Variants in TANC2 observed in about 807,000 individuals in gnomAD.
The protein encoded by TANC2 is tetratricopeptide repeat, ankyrin repeat and coiled-coil containing 2.
TANC2 carries 26 observed loss-of-function variants against 210.5 expected under a neutral mutation model. That is an observed-to-expected ratio of 0.12 (90% confidence interval 0.09 to 0.17). The LOEUF is 0.17. TANC2 is among the 10% of genes least tolerant of loss of function. The pLI is 1.00. For synonymous variants in TANC2, 931 were observed against 967.1 expected (o/e 0.96, Z 0.69); for missense variants, 2,129 against 2,608.9 (o/e 0.82, Z 4.01).
chr17:63,086,404 T>C (rs1330842094), intron 3 of TANC2, among the ~76,000 whole-genome samples: 1 of 152,196 alleles, frequency 6.6e-6, no homozygotes, highest in Non-Finnish European at 1.5e-5. Context: ...TCTGTTTGCT[T>C]TTCAGTTTTG....
chr17:63,102,629 T>G (rs1274138068), intron 4 of TANC2, among the ~76,000 whole-genome samples: 2 of 129,666 alleles, frequency 1.5e-5, no homozygotes, highest in African/African-American at 2.8e-5. Context: ...CCCTCCTCCC[T>G]CCCCCCACCT....
intron 7 of TANC2, among the ~76,000 whole-genome samples, chr17:63,208,075 C>A (rs1200960523): frequency 6.6e-6 from 1 of 152,050 alleles, no homozygotes; most frequent in African/African-American, 2.4e-5. Context: ...TGTGATTTTT[C>A]TTTTCCTTAC....
intron 5 of TANC2, among the ~76,000 whole-genome samples, chr17:63,173,657 T>A (rs1022644764): frequency 2.6e-5 from 4 of 152,194 alleles, no homozygotes; most frequent in African/African-American, 9.6e-5. Flanking sequence ...CAAATGCAGG[T>A]GATTGTGGCT....
chr17:63,228,928 C>G (rs2042397512), intron 7 of TANC2, among the ~76,000 whole-genome samples: 1 of 152,142 alleles, frequency 6.6e-6, no homozygotes, highest in Non-Finnish European at 1.5e-5. Context: ...ATTTCTTTCT[C>G]TTGCCTGATT....
At chr17:63,162,055 A>G (rs2040046026) in intron 5 of TANC2, among the ~76,000 whole-genome samples, 1 of 152,166 alleles carries the variant, frequency 6.6e-6, no homozygotes, top group African/African-American at 2.4e-5. Flanking sequence ...TTGTAATTGC[A>G]GCACTTTGGG....
At chr17:63,256,320 G>A (rs2043194987) in intron 8 of TANC2, among the ~76,000 whole-genome samples, 1 of 152,112 alleles carries the variant, frequency 6.6e-6, no homozygotes, top group African/African-American at 2.4e-5. Context: ...TTTGTTTCAA[G>A]AAATCTGTTA....
intron 9 of TANC2, among the ~76,000 whole-genome samples, chr17:63,290,098 A>G (rs891544923): frequency 6.6e-6 from 1 of 152,074 alleles, no homozygotes; most frequent in African/African-American, 2.4e-5. Flanking sequence ...CCTTGTTAAG[A>G]GCATTGTGCT....
intron 2 of TANC2, among the ~76,000 whole-genome samples, chr17:63,023,262 T>G (rs183917378): frequency 1.1e-4 from 16 of 152,354 alleles, no homozygotes; most frequent in Admixed American, 1.0e-3. Context: ...GGGAGCTGGG[T>G]TGCCTGAGGC....
At chr17:63,184,677 G>A (rs1273832151) in intron 5 of TANC2, among the ~76,000 whole-genome samples, 1 of 142,686 alleles carries the variant, frequency 7.0e-6, no homozygotes, top group Non-Finnish European at 1.5e-5. Context: ...TTTTGGAGAT[G>A]GAGTCTTGCT....
intron 9 of TANC2, among the ~76,000 whole-genome samples, chr17:63,276,269 C>A (rs984377319): frequency 6.6e-6 from 1 of 152,030 alleles, no homozygotes; most frequent in African/African-American, 2.4e-5. Context: ...TTAAAATACC[C>A]AGTTTTTATA....
At chr17:63,004,805 C>T in intron 1 of TANC2, 1 of 349,560 alleles carries the variant, frequency 2.9e-6, no homozygotes, top group Non-Finnish European at 5.6e-6. Context: ...CTTTGGGTAC[C>T]TTCTTTCCTT....
chr17:63,245,660 G>A (rs1327666879), intron 8 of TANC2, among the ~76,000 whole-genome samples: 1 of 152,000 alleles, frequency 6.6e-6, no homozygotes, highest in Non-Finnish European at 1.5e-5. Context: ...GGCCAACATG[G>A]TGAAACTCCG....
chr17:63,142,051 G>A (rs1209622953), intron 4 of TANC2, among the ~76,000 whole-genome samples: 1 of 152,162 alleles, frequency 6.6e-6, no homozygotes, highest in Non-Finnish European at 1.5e-5. Flanking sequence ...CATTGCTACA[G>A]ATTTCTTATA....
exon 20 of TANC2, chr17:63,405,152 T>G: frequency 6.2e-7 from 1 of 1,613,348 alleles, no homozygotes; most frequent in Non-Finnish European, 8.5e-7. Flanking sequence ...AGGGGCAAAC[T>G]GGAGGTGTGC....
chr17:63,089,329 T>C (rs1050327832), intron 3 of TANC2: 2 of 152,222 alleles, frequency 1.3e-5, no homozygotes, highest in Non-Finnish European at 2.9e-5. Flanking sequence ...TTACGTGATA[T>C]ACAAACGAGA....
chr17:63,004,681 G>C (rs2033535647), intron 1 of TANC2: 1 of 306,954 alleles, frequency 3.3e-6, no homozygotes, highest in African/African-American at 2.2e-5. Context: ...GTCACCAGAG[G>C]TCCACAGTTG....
chr17:63,245,811 C>G (rs1360347154), intron 8 of TANC2, among the ~76,000 whole-genome samples: 1 of 150,678 alleles, frequency 6.6e-6, no homozygotes, highest in Non-Finnish European at 1.5e-5. Context: ...CCACTGCACT[C>G]CAGCCTGGGC....
intron 8 of TANC2, among the ~76,000 whole-genome samples, chr17:63,253,880 C>A (rs1023931606): frequency 2.6e-5 from 4 of 152,130 alleles, no homozygotes; most frequent in Admixed American, 2.0e-4. Context: ...AACTCCTGGG[C>A]TCAAGCAGTC....
chr17:63,380,540 T>G lies in TANC2; in HGVS notation c.2691+714T>G, dbSNP rs543333739. ...GAATTTGTAGTTCAGATAACAGTTTTGGGTTAACCCACAAAAGTGGAGAAG... is the reference window on the plus strand; with the variant it reads ...GAATTTGTAGTTCAGATAACAGTTTGGGGTTAACCCACAAAAGTGGAGAAG... On this transcript the variant is annotated intron_variant, in intron 15 of 27. Coordinates refer to ENST00000689528, the Ensembl canonical transcript of TANC2. Among the ~76,000 whole-genome samples, 9 of 152,370 alleles carry G rather than the reference T, an allele frequency of 5.9e-5. No individual in the cohort carries two copies. The East Asian group carries it at 1.7e-3, about 29-fold the overall frequency.
Sources: allele counts gnomAD v4.1 joint callset (sites outside exome capture counted in the v4.1 genomes callset), GRCh38; gene constraint gnomAD v4.1.1; transcripts MANE v1.5; gene names NCBI Gene and HGNC (gene_info 2026-07-23, HGNC 2026-07-21).